TENM4: variants seen among roughly 807,000 people sequenced by gnomAD.
The protein encoded by TENM4 is teneurin transmembrane protein 4.
In TENM4, 82 loss-of-function variants were observed where a neutral mutation model predicts 243.3. The observed-to-expected ratio is 0.34, with a 90% CI of 0.28 to 0.40. The LOEUF (loss-of-function observed/expected upper bound fraction) is 0.40. TENM4 is among the 10% of genes least tolerant of loss of function. The pLI, the probability that TENM4 is intolerant of heterozygous loss-of-function variation, is 1.00. For missense variants in TENM4, 3,138 were observed against 3,673.3 expected, an observed-to-expected ratio of 0.85 and a Z score of 3.77; for synonymous variants, 1,412 against 1,456.3, an observed-to-expected ratio of 0.97 and a Z score of 0.69.
intron 21 of TENM4, among the ~76,000 whole-genome samples, chr11:78,731,216 T>C (rs996375697): frequency 3.3e-5 from 5 of 152,246 alleles, no homozygotes. Context: ...TGAGCCAGGG[T>C]TGAGTAACAA....
intron 1 of TENM4, among the ~76,000 whole-genome samples, chr11:79,374,890 T>C (rs1271984024): frequency 6.6e-6 from 1 of 152,184 alleles, no homozygotes; most frequent in Non-Finnish European, 1.5e-5. Context: ...ACACACGCAC[T>C]TCATGGGAGT....
intron 4 of TENM4, among the ~76,000 whole-genome samples, chr11:79,085,143 C>A (rs186065929): frequency 1.3e-5 from 2 of 151,602 alleles, no homozygotes; most frequent in East Asian, 1.9e-4. Flanking sequence ...GAGGCCAAGG[C>A]GGGTGGATCA....
chr11:79,299,866 T>G (rs1482657462), intron 1 of TENM4, among the ~76,000 whole-genome samples: 1 of 152,220 alleles, frequency 6.6e-6, no homozygotes, highest in Non-Finnish European at 1.5e-5. Context: ...TGGCATGAAT[T>G]TTTTATGACC....
chr11:79,161,188 T>C (rs997609154), intron 3 of TENM4, among the ~76,000 whole-genome samples: 1 of 152,204 alleles, frequency 6.6e-6, no homozygotes, highest in African/African-American at 2.4e-5. Flanking sequence ...GCCACCACTG[T>C]TCTGATCTCT....
intron 3 of TENM4, among the ~76,000 whole-genome samples, chr11:79,210,501 A>T (rs1421367214): frequency 6.6e-6 from 1 of 152,214 alleles, no homozygotes; most frequent in Non-Finnish European, 1.5e-5. Context: ...AGTACATAGC[A>T]GTAAACACTG....
chr11:79,091,076 G>C (rs764499557), intron 4 of TENM4, among the ~76,000 whole-genome samples: 2 of 152,146 alleles, frequency 1.3e-5, no homozygotes, highest in African/African-American at 2.4e-5. Context: ...AGGTTGTTAG[G>C]TTTCAGAGCT....
intron 9 of TENM4, among the ~76,000 whole-genome samples, chr11:78,889,578 G>T (rs1307830150): frequency 1.3e-5 from 2 of 152,218 alleles, no homozygotes; most frequent in African/African-American, 2.4e-5. Context: ...TAAGTGCAGA[G>T]GGATGGAGAG....
intron 1 of TENM4, among the ~76,000 whole-genome samples, chr11:79,389,372 G>A (rs781358974): frequency 7.9e-5 from 12 of 152,278 alleles, no homozygotes; most frequent in Admixed American, 2.0e-4. Context: ...GACCAGTCTG[G>A]TTTCAAACTC....
chr11:78,691,781 TG>T (rs1858832886), intron 28 of TENM4, among the ~76,000 whole-genome samples: 1 of 152,238 alleles, frequency 6.6e-6, no homozygotes, highest in Non-Finnish European at 1.5e-5. Context: ...AAGGACTGAA[TG>T]TCTTAATGAA....
intron 1 of TENM4, among the ~76,000 whole-genome samples, chr11:79,349,837 C>T (rs759021494): frequency 2.6e-5 from 4 of 152,162 alleles, no homozygotes; most frequent in African/African-American, 4.8e-5. Context: ...GAAACACAGT[C>T]CAGACTCACA....
At chr11:79,378,947 A>G (rs1857946856) in intron 1 of TENM4, among the ~76,000 whole-genome samples, 1 of 151,980 alleles carries the variant, frequency 6.6e-6, no homozygotes, top group African/African-American at 2.4e-5. Context: ...GGAAACCTGT[A>G]ACACAGTCCT....
intron 6 of TENM4, among the ~76,000 whole-genome samples, chr11:78,971,787 A>C (rs1591173601): frequency 6.7e-6 from 1 of 149,388 alleles, no homozygotes; most frequent in East Asian, 2.0e-4. Flanking sequence ...AAAAAGTAAA[A>C]CATTAAAAAA....
At chr11:78,890,116 G>T in intron 8 of TENM4, 96 bp from the exon 9 acceptor site, 1 of 959,334 alleles carries the variant, frequency 1.0e-6, no homozygotes, top group Non-Finnish European at 1.5e-6. Context: ...GAAGAAGCAT[G>T]CAGAGGAGCC....
At chr11:78,737,054 A>G (rs1855816867) in intron 20 of TENM4, among the ~76,000 whole-genome samples, 1 of 152,258 alleles carries the variant, frequency 6.6e-6, no homozygotes, top group Non-Finnish European at 1.5e-5. Flanking sequence ...ACAACAGGGC[A>G]TAAGGACTGA....
chr11:79,211,174 A>G (rs1175858793), intron 3 of TENM4, among the ~76,000 whole-genome samples: 1 of 152,204 alleles, frequency 6.6e-6, no homozygotes, highest in East Asian at 1.9e-4. Flanking sequence ...TAAAGCACCA[A>G]GAAGATTCTG....
Position 79,376,392 on chromosome 11 carries a change from T to G in TENM4, c.-321+64117A>C, listed in dbSNP as rs1857891729. On this transcript the variant is annotated intron_variant, in intron 1 of 33. Coordinates refer to ENST00000278550, the MANE Select transcript of TENM4 (RefSeq NM_001098816.3). ...GAAAACAGGTTCAGTCTTGATCACA[T>G]AGCTTTGCTAATGCTGCTCTGCTAA... Among the ~76,000 whole-genome samples the G allele has an allele frequency of 2.0e-5, 3 of 152,224 alleles. No individual in the cohort carries two copies. In the South Asian group the frequency reaches 6.2e-4, roughly 32 times the overall value.
chr11:79,307,714 T>C (rs753271655), intron 1 of TENM4, among the ~76,000 whole-genome samples: 1 of 152,190 alleles, frequency 6.6e-6, no homozygotes, highest in South Asian at 2.1e-4. Flanking sequence ...TGCGTGACCC[T>C]GGGCTTTTTG....
intron 15 of TENM4, among the ~76,000 whole-genome samples, chr11:78,789,115 G>A (rs1469704042): frequency 1.3e-5 from 2 of 152,114 alleles, no homozygotes; most frequent in South Asian, 2.1e-4. Context: ...CGGGTACCAA[G>A]CACAGATCCT....
chr11:79,092,106 C>A (rs1860970410), intron 4 of TENM4, among the ~76,000 whole-genome samples: 1 of 152,136 alleles, frequency 6.6e-6, no homozygotes, highest in South Asian at 2.1e-4. Context: ...ATATGGTGAG[C>A]CCTGGAGGCA....
Sources: allele counts gnomAD v4.1 joint callset (sites outside exome capture counted in the v4.1 genomes callset), GRCh38; gene constraint gnomAD v4.1.1; transcripts MANE v1.5; gene names NCBI Gene and HGNC (gene_info 2026-07-23, HGNC 2026-07-21).